CELF2: variants seen among roughly 807,000 people sequenced by gnomAD.
CELF2 encodes CUGBP Elav-like family member 2.
Under a neutral mutation model 62.6 loss-of-function variants are expected in CELF2, and 8 were observed. That is an observed-to-expected ratio of 0.13 (90% confidence interval 0.07 to 0.23). The LOEUF (loss-of-function observed/expected upper bound fraction) is 0.23, where lower values mean the gene tolerates loss of function less well. Among genes scored for constraint, CELF2 ranks in the 10% least tolerant of loss-of-function variants. CELF2 has a pLI of 1.00. For missense variants in CELF2, 333 were observed against 671.0 expected (o/e 0.50, Z 5.56); for synonymous variants, 258 against 250.0 (o/e 1.03, Z -0.30).
chr10:10,618,683 A>C, the CELF2 span, among the ~76,000 whole-genome samples: 1 of 152,122 alleles, frequency 6.6e-6, no homozygotes, highest in Non-Finnish European at 1.5e-5. Flanking sequence ...CTGAAGCAGC[A>C]TCGTTGTCTG....
intron 1 of CELF2, among the ~76,000 whole-genome samples, chr10:11,134,560 C>CTCTGTCT (rs1276765257): frequency 2.0e-5 from 3 of 152,208 alleles, no homozygotes; most frequent in African/African-American, 7.2e-5. Flanking sequence ...CCATAGGTGA[C>CTCTGTCT]TCTGTCTTCC....
At chr10:11,168,350 G>C (rs1375618133) in intron 2 of CELF2, among the ~76,000 whole-genome samples, 3 of 152,176 alleles carry the variant, frequency 2.0e-5, no homozygotes, top group African/African-American at 7.2e-5. Context: ...AGACATCTCT[G>C]TTGTGAAGGT....
At chr10:10,730,746 T>C in the CELF2 span, among the ~76,000 whole-genome samples, 1 of 152,132 alleles carries the variant, frequency 6.6e-6, no homozygotes, top group Non-Finnish European at 1.5e-5. Flanking sequence ...CCACATGGTA[T>C]TTCTACTGAA....
chr10:11,100,507 G>A (rs994619824), intron 1 of CELF2, among the ~76,000 whole-genome samples: 1 of 151,522 alleles, frequency 6.6e-6, no homozygotes, highest in Admixed American at 6.6e-5. Flanking sequence ...AATATGAATG[G>A]AACTCACTTT....
At chr10:10,507,793 AG>A in the CELF2 span, among the ~76,000 whole-genome samples, 1 of 152,168 alleles carries the variant, frequency 6.6e-6, no homozygotes, top group Admixed American at 6.5e-5. Flanking sequence ...CACTTTTGGG[AG>A]GAAGGTAGAA....
the CELF2 span, among the ~76,000 whole-genome samples, chr10:10,476,760 C>CT: frequency 6.6e-6 from 1 of 151,938 alleles, no homozygotes; most frequent in Non-Finnish European, 1.5e-5. Flanking sequence ...TCAATCATAC[C>CT]TTTTTTTATT....
intron 1 of CELF2, among the ~76,000 whole-genome samples, chr10:10,808,138 T>G (rs945090289): frequency 1.3e-5 from 2 of 152,142 alleles, no homozygotes; most frequent in Non-Finnish European, 2.9e-5. Context: ...ATGTGGTAGT[T>G]TCTGTGACAT....
the CELF2 span, among the ~76,000 whole-genome samples, chr10:10,691,434 C>T: frequency 2.6e-4 from 38 of 147,450 alleles, no homozygotes; most frequent in African/African-American, 8.8e-4. Context: ...GGTTCCAAGT[C>T]TTTGCTATTG....
intron 2 of CELF2, among the ~76,000 whole-genome samples, chr10:11,181,267 G>A (rs1318216035): frequency 1.3e-5 from 2 of 152,184 alleles, no homozygotes; most frequent in Non-Finnish European, 2.9e-5. Context: ...GTAGCGTGGA[G>A]CTGGGCACAT....
chr10:10,848,139 G>A (rs531743652), intron 1 of CELF2, among the ~76,000 whole-genome samples: 4 of 152,116 alleles, frequency 2.6e-5, no homozygotes, highest in African/African-American at 9.6e-5. Context: ...AGGAAATTTC[G>A]TTTCCTTTTC....
the CELF2 span, among the ~76,000 whole-genome samples, chr10:10,603,207 G>A: frequency 2.0e-5 from 3 of 151,860 alleles, no homozygotes; most frequent in Non-Finnish European, 2.9e-5. Context: ...CTGCTCTGTC[G>A]GATAGAGAAT....
chr10:10,877,276 G>A (rs1012741445), intron 1 of CELF2, among the ~76,000 whole-genome samples: 9 of 152,334 alleles, frequency 5.9e-5, no homozygotes, highest in Admixed American at 3.3e-4. Context: ...GGACACACCC[G>A]TGACACAGCC....
chr10:10,622,296 G>A, the CELF2 span, among the ~76,000 whole-genome samples: 2 of 152,264 alleles, frequency 1.3e-5, no homozygotes, highest in East Asian at 3.9e-4. Flanking sequence ...ACCTGCAAGG[G>A]TAGAGTGATT....
chr10:11,298,375 A>C (rs1274137729), intron 9 of CELF2, among the ~76,000 whole-genome samples: 1 of 152,218 alleles, frequency 6.6e-6, no homozygotes, highest in African/African-American at 2.4e-5. Context: ...GTGCAGCCTG[A>C]GGGAGGGAAC....
chr10:11,133,170 A>C (rs1305130214), intron 1 of CELF2, among the ~76,000 whole-genome samples: 1 of 152,230 alleles, frequency 6.6e-6, no homozygotes, highest in Non-Finnish European at 1.5e-5. Context: ...AAAGAAGGCA[A>C]ACACATCTAA....
chr10:10,924,634 A>C lies in CELF2; in HGVS notation c.89+4635A>C, dbSNP rs528092267. ...GTCATCTTGTACTGGATTTTAGTAT[A>C]AACCAGTGAAAGCAGGGGCCAACAG... On this transcript the variant is annotated intron_variant, in intron 2 of 13. Coordinates refer to the CELF2 transcript ENST00000636488. Among the ~76,000 whole-genome samples the C allele has an allele frequency of 3.0e-3, 454 of 152,034 alleles. 4 individuals carry two copies. The highest frequency in any genetic ancestry group is 0.011 in the African/African-American group (441 of 41,518).
the CELF2 span, among the ~76,000 whole-genome samples, chr10:10,693,911 T>C: frequency 6.6e-6 from 1 of 152,050 alleles, no homozygotes; most frequent in Non-Finnish European, 1.5e-5. Context: ...TTTTTTTCTT[T>C]ATTAGTCTTG....
intron 9 of CELF2, among the ~76,000 whole-genome samples, chr10:11,303,259 C>G (rs764996400): frequency 6.6e-6 from 1 of 152,182 alleles, no homozygotes; most frequent in Non-Finnish European, 1.5e-5. Flanking sequence ...CAATTTTACT[C>G]TTATCAGCTC....
At chr10:11,249,229 AT>A in intron 4 of CELF2, 28 bp downstream of exon 4, 1 of 1,575,934 alleles carries the variant, frequency 6.3e-7, no homozygotes, top group East Asian at 2.2e-5. Flanking sequence ...GTCTTGCTTA[AT>A]AATAATATCT....
Sources: gnomAD v4.1 joint callset for allele counts (sites outside exome capture counted in the v4.1 genomes callset) on GRCh38, gnomAD v4.1.1 for gene constraint, MANE v1.5 for transcripts, NCBI Gene and HGNC (gene_info 2026-07-23, HGNC 2026-07-21) for gene names.